The following IQCJ variants were observed in gnomAD, a reference collection of about 807,000 sequenced individuals.
The protein encoded by IQCJ is IQ domain-containing protein J.
In IQCJ, 9 loss-of-function variants were observed where a neutral mutation model predicts 11.0. That is an observed-to-expected ratio of 0.82 (90% confidence interval 0.49 to 1.43). IQCJ has a LOEUF of 1.43. IQCJ is among the 40% of genes most tolerant of loss of function. IQCJ has a pLI of 0.00. For synonymous variants in IQCJ, 55 were observed against 51.3 expected, an observed-to-expected ratio of 1.07 and a Z score of -0.31; for missense variants, 146 against 133.2, an observed-to-expected ratio of 1.10 and a Z score of -0.47.
chr3:159,211,492 C>T (rs1724947614), intron 1 of IQCJ, among the ~76,000 whole-genome samples: 1 of 152,210 alleles, frequency 6.6e-6, no homozygotes, highest in African/African-American at 2.4e-5. Flanking sequence ...ATTGGTCACT[C>T]TGTAGATGAG....
chr3:159,263,183 G>C lies in IQCJ; in HGVS notation c.*452G>C, dbSNP rs867938907. The stretch of plus-strand genomic sequence containing the variant: ...GCTGAGCTGTGCCCCTGGCTACACG[G>C]AGAACATAGACCTCACCTGAAGGGC... On this transcript the variant is annotated 3_prime_UTR_variant, in exon 4 of 4. Transcript: ENST00000397832. The C allele has an allele frequency of 1.8e-6, 1 of 565,612 alleles. No individual in the cohort carries two copies. Among genetic ancestry groups the C allele is most frequent in the African/African-American group, 2.0e-5 (1 of 49,164 alleles). The allele number at this position is 565,612 out of a possible 1,614,324, so 35.0% of individuals were successfully genotyped here.
chr3:159,139,904 C>T (rs893016201), intron 1 of IQCJ, among the ~76,000 whole-genome samples: 2 of 152,128 alleles, frequency 1.3e-5, no homozygotes, highest in Non-Finnish European at 2.9e-5. Context: ...TACATTTAGC[C>T]GTGGACAGGG....
chr3:159,244,125 G>T (rs1322070883), intron 1 of IQCJ, among the ~76,000 whole-genome samples: 1 of 152,204 alleles, frequency 6.6e-6, no homozygotes, highest in East Asian at 1.9e-4. Flanking sequence ...AGCTTGACAT[G>T]CTTGTCAGAC....
chr3:159,158,989 G>T (rs935093282), intron 1 of IQCJ, among the ~76,000 whole-genome samples: 1 of 152,164 alleles, frequency 6.6e-6, no homozygotes, highest in Admixed American at 6.5e-5. Context: ...GAGCCACATG[G>T]GAAGCACTGG....
At chr3:159,234,765 G>T (rs1428298374) in intron 1 of IQCJ, among the ~76,000 whole-genome samples, 1 of 152,188 alleles carries the variant, frequency 6.6e-6, no homozygotes, top group Non-Finnish European at 1.5e-5. Flanking sequence ...GAAAGGGGGA[G>T]ATAGATCGGT....
intron 1 of IQCJ, among the ~76,000 whole-genome samples, chr3:159,084,861 G>A (rs1034046887): frequency 6.6e-5 from 10 of 151,882 alleles, no homozygotes; most frequent in Admixed American, 4.6e-4. Flanking sequence ...CCTGTCTTTC[G>A]GGTCTTGGAG....
intron 1 of IQCJ, among the ~76,000 whole-genome samples, chr3:159,187,995 A>G (rs1723470937): frequency 6.6e-6 from 1 of 152,196 alleles, no homozygotes. Context: ...CAGTCCACCC[A>G]AGCTACCGAC....
At chr3:159,081,047 A>G (rs1716270502) in intron 1 of IQCJ, among the ~76,000 whole-genome samples, 1 of 152,090 alleles carries the variant, frequency 6.6e-6, no homozygotes, top group South Asian at 2.1e-4. Flanking sequence ...AGGTAACAAG[A>G]TATCCTGAGA....
chr3:159,255,065 T>A (rs776350960), intron 3 of IQCJ, among the ~76,000 whole-genome samples: 1 of 152,214 alleles, frequency 6.6e-6, no homozygotes, highest in Non-Finnish European at 1.5e-5. Flanking sequence ...CAAGATAAGT[T>A]TTTTTAGTCC....
chr3:159,205,064 G>T (rs1428702107), intron 1 of IQCJ, among the ~76,000 whole-genome samples: 1 of 152,166 alleles, frequency 6.6e-6, no homozygotes, highest in East Asian at 1.9e-4. Context: ...ACCATGCAAA[G>T]TCTCTCTGCA....
chr3:159,216,139 T>A (rs1725220424), intron 1 of IQCJ, among the ~76,000 whole-genome samples: 1 of 151,518 alleles, frequency 6.6e-6, no homozygotes, highest in African/African-American at 2.4e-5. Flanking sequence ...GCTCTTATGC[T>A]CCCTACACTC....
intron 1 of IQCJ, among the ~76,000 whole-genome samples, chr3:159,201,842 C>T (rs2108068327): frequency 6.6e-6 from 1 of 151,974 alleles, no homozygotes; most frequent in South Asian, 2.1e-4. Context: ...TTACTCTTTT[C>T]CATCAGTAAG....
chr3:159,133,957 G>T (rs191640290), intron 1 of IQCJ, among the ~76,000 whole-genome samples: 214 of 151,744 alleles, frequency 1.4e-3, no homozygotes, highest in African/African-American at 4.9e-3. Context: ...CCACCAGGCT[G>T]TTTTCTCCTC....
intron 1 of IQCJ, among the ~76,000 whole-genome samples, chr3:159,144,048 G>T (rs915718593): frequency 7.2e-5 from 11 of 152,122 alleles, no homozygotes; most frequent in African/African-American, 2.7e-4. Context: ...ATTCATGAGG[G>T]TGCAGCCCTT....
intron 3 of IQCJ, among the ~76,000 whole-genome samples, chr3:159,261,428 T>C (rs1728198859): frequency 6.6e-6 from 1 of 152,198 alleles, no homozygotes; most frequent in African/African-American, 2.4e-5. Context: ...AAATCTCACC[T>C]TGAATTGTAA....
At chr3:159,259,226 A>G (rs1728069139) in intron 3 of IQCJ, among the ~76,000 whole-genome samples, 1 of 152,108 alleles carries the variant, frequency 6.6e-6, no homozygotes, top group South Asian at 2.1e-4. Context: ...AGATTGTGCC[A>G]CCCCTGCTAT....
chr3:159,256,035 C>T (rs188329378), intron 3 of IQCJ, among the ~76,000 whole-genome samples: 1 of 152,320 alleles, frequency 6.6e-6, no homozygotes, highest in East Asian at 1.9e-4. Context: ...CAGAGGTGGG[C>T]TCCCCCAGCC....
At chr3:159,240,211 A>T (rs1726838771) in intron 1 of IQCJ, among the ~76,000 whole-genome samples, 1 of 152,174 alleles carries the variant, frequency 6.6e-6, no homozygotes, top group South Asian at 2.1e-4. Context: ...ATTGCAAAGG[A>T]TAATCTATCT....
intron 3 of IQCJ, among the ~76,000 whole-genome samples, chr3:159,255,128 C>T (rs1727822241): frequency 6.6e-6 from 1 of 152,138 alleles, no homozygotes; most frequent in African/African-American, 2.4e-5. Flanking sequence ...CCACGGTCAC[C>T]CTGTATTATC....
Sources: gnomAD v4.1 joint callset for allele counts (sites outside exome capture counted in the v4.1 genomes callset) on GRCh38, gnomAD v4.1.1 for gene constraint, MANE v1.5 for transcripts, NCBI Gene and HGNC (gene_info 2026-07-23, HGNC 2026-07-21) for gene names.